Variants in FAN1 observed in about 807,000 individuals in gnomAD.
FAN1 encodes FANCD2 and FANCI associated nuclease 1, also known as fanconi-associated nuclease 1.
FAN1 carries 91 observed loss-of-function variants against 104.9 expected under a neutral mutation model. The observed-to-expected ratio is 0.87, with a 90% CI of 0.73 to 1.03. The LOEUF is 1.03. FAN1 is among the 50% of genes least tolerant of loss of function. FAN1 has a pLI of 0.00. For missense variants in FAN1, 1,263 were observed against 1,239.9 expected, an observed-to-expected ratio of 1.02 and a Z score of -0.28; for synonymous variants, 478 against 457.6, an observed-to-expected ratio of 1.04 and a Z score of -0.57.
chr15:30,924,991 C>T (rs879166131), intron 8 of FAN1, 136 bp from the exon 9 acceptor site: 2 of 852,500 alleles, frequency 2.3e-6, no homozygotes, highest in South Asian at 1.8e-5. Context: ...CAGCCTAAAT[C>T]TCTAGAAGTG....
At chr15:30,912,959 A>G (rs1034317412) in intron 4 of FAN1, among the ~76,000 whole-genome samples, 8 of 152,198 alleles carry the variant, frequency 5.3e-5, no homozygotes, top group African/African-American at 1.9e-4. Flanking sequence ...CTCCAAGCCC[A>G]CCTTGCAGAC....
intron 3 of FAN1, 73 bp downstream of exon 3, chr15:30,908,331 T>C: frequency 1.5e-6 from 2 of 1,317,366 alleles, no homozygotes; most frequent in Non-Finnish European, 2.1e-6. Context: ...ATGATGGCAG[T>C]ATTATTATGG....
chr15:30,931,921 GAAAA>G (rs34350227), intron 13 of FAN1, among the ~76,000 whole-genome samples: 1 of 147,390 alleles, frequency 6.8e-6, no homozygotes, highest in Non-Finnish European at 1.5e-5. Flanking sequence ...AAGTTTCCAA[GAAAA>G]AAAAAAGCCA....
chr15:30,933,753 C>CTTTTTTT (rs545200453), intron 13 of FAN1, among the ~76,000 whole-genome samples: 1 of 136,164 alleles, frequency 7.3e-6, no homozygotes. Flanking sequence ...TATTTCTTTT[C>CTTTTTTT]TTTTTTTTTT....
rs752980350 is a variant in FAN1, at chr15:30,925,810, T to G, written c.2359T>G (p.Cys787Gly). The change falls in exon 10 of 15, where the codon TGC becomes GGC. Residue 787 changes from cysteine (C) to glycine (G), a missense_variant. By Grantham distance (159) the Cys-to-Gly change is radical (BLOSUM62 -3). Around this residue, in one of 2 missense-constraint regions of FAN1, gnomAD observed 581 missense variants for 668.8 expected, o/e 0.87. Coordinates refer to ENST00000362065, the MANE Select transcript of FAN1 (RefSeq NM_014967.5). ...TCAGGTGACCATCACAGGCAGGCTG[T>G]GCCCACAGCGTGGGATGTGCAAGTC... ...VKHVTITGRL[C>G]PQRGMCKSVF... The G allele has an allele frequency of 6.2e-7, 1 of 1,614,158 alleles. No homozygotes were observed. Among genetic ancestry groups the G allele is most frequent in the South Asian group, 1.1e-5 (1 of 91,084 alleles).
chr15:30,929,819 T>TCA (rs1263768371), intron 12 of FAN1, among the ~76,000 whole-genome samples: 543 of 44,370 alleles, frequency 0.012, 80 homozygotes, highest in African/African-American at 0.03. Context: ...ATATAATATA[T>TCA]TATATCATAT....
intron 5 of FAN1, among the ~76,000 whole-genome samples, chr15:30,916,589 A>C (rs569494583): frequency 6.6e-6 from 1 of 152,226 alleles, no homozygotes; most frequent in Non-Finnish European, 1.5e-5. Flanking sequence ...GACTTCTGGA[A>C]AGGTAATAGT....
At position 30,942,148 on chromosome 15, in the gene FAN1, A is replaced by G. The variant is rs183643823; in HGVS notation, c.*586A>G. ...TTGAAGGATGCAATGGCAAATATAA[A>G]CTCAATACTATGAAAAATTAATGGA... is the stretch of plus-strand genomic sequence containing the variant. On this transcript the variant is annotated 3_prime_UTR_variant, in exon 15 of 15. Transcript: ENST00000362065. 12 of 1,450,380 alleles carry G rather than the reference A, an allele frequency of 8.3e-6. No homozygotes were observed. In the East Asian group the frequency reaches 2.7e-4, roughly 33 times the overall value. The allele number at this position is 1,450,380 out of a possible 1,614,324, so 89.8% of individuals were successfully genotyped here. A position where few individuals can be genotyped will look rare whatever the true frequency, so the allele number is the denominator to read the frequency against.
chr15:30,904,946 G>A lies in FAN1; in HGVS notation c.283G>A (p.Glu95Lys). The change falls in exon 2 of 15, where the codon GAA (glutamate) becomes AAA (lysine). Residue 95 changes from glutamate (E) to lysine (K), a missense_variant. This residue lies in a region of FAN1 where 682 missense variants were observed against 571.1 expected (regional missense o/e 1.19). Coordinates refer to ENST00000362065, the MANE Select transcript of FAN1 (RefSeq NM_014967.5). ...GGTAGATTTAACCAGTGTTACCTTAGAAGATGTAACACCTAAGAAGTCACC... is the reference window on the plus strand; with the variant it reads ...GGTAGATTTAACCAGTGTTACCTTAAAAGATGTAACACCTAAGAAGTCACC... ...SMVDLTSVTL[E>K]DVTPKKSPPP... is the part of the protein sequence containing the mutation. The A allele has an allele frequency of 6.2e-7, 1 of 1,613,918 alleles. No individual in the cohort carries two copies. The highest frequency in any genetic ancestry group is 8.5e-7 in the Non-Finnish European group (1 of 1,179,926).
At chr15:30,938,264 T>TTAAG (rs1374692915) in intron 14 of FAN1, among the ~76,000 whole-genome samples, 1 of 152,208 alleles carries the variant, frequency 6.6e-6, no homozygotes, top group Non-Finnish European at 1.5e-5. Context: ...GATTCTTGAA[T>TTAAG]TAAGTTTTTC....
At chr15:30,925,427 C>A in intron 9 of FAN1, 136 bp downstream of exon 9, 1 of 868,946 alleles carries the variant, frequency 1.2e-6, no homozygotes, top group Non-Finnish European at 1.7e-6. Context: ...TTTTGGACGG[C>A]TGTGTGGCCA....
At chr15:30,904,440 G>C in intron 1 of FAN1, 72 bp from the exon 2 acceptor site, 1 of 624,582 alleles carries the variant, frequency 1.6e-6, no homozygotes, top group Non-Finnish European at 2.8e-6. Context: ...GCTCTTAAAC[G>C]TTTCAGAGTT....
intron 14 of FAN1, 155 bp from the exon 15 acceptor site, chr15:30,941,411 G>GTTAA: frequency 6.4e-7 from 1 of 1,562,326 alleles, no homozygotes; most frequent in Non-Finnish European, 8.6e-7. Context: ...GGTTAGCAAT[G>GTTAA]TTAATTCAGA....
At chr15:30,914,363 T>C (rs2062159144) in intron 5 of FAN1, among the ~76,000 whole-genome samples, 1 of 152,114 alleles carries the variant, frequency 6.6e-6, no homozygotes, top group African/African-American at 2.4e-5. Flanking sequence ...GAAGGGAGTA[T>C]TTTTTGTTTG....
At chr15:30,940,064 T>C (rs2062986590) in intron 14 of FAN1, 1 of 982,212 alleles carries the variant, frequency 1.0e-6, no homozygotes. Flanking sequence ...ACACTTGTTT[T>C]AGAAAAGGAA....
chr15:30,913,933 G>A lies in FAN1; in HGVS notation c.1653G>A (p.Leu551=). The A allele has an allele frequency of 6.2e-7, 1 of 1,614,154 alleles. No individual in the cohort carries two copies. The highest frequency in any genetic ancestry group is 8.5e-7 in the Non-Finnish European group (1 of 1,180,004). Residue 551 remains leucine, a synonymous_variant, in exon 5 of 15, where the codon CTG becomes CTA. Transcript: ENST00000362065. ...CTGTGTTTTCCCGCATCTTGCTACT[G>A]TTTTCGTTGACCGACTCAATGGAAG... The part of the protein sequence containing the change: ...PRAVFSRILL[L]FSLTDSMEDE...
At chr15:30,907,646 T>C (rs1215931159) in intron 2 of FAN1, among the ~76,000 whole-genome samples, 1 of 152,188 alleles carries the variant, frequency 6.6e-6, no homozygotes, top group East Asian at 1.9e-4. Flanking sequence ...ATTTTCAAAA[T>C]ACAATTAAGC....
rs113198495 is a variant in FAN1 at position 30,909,627 on chromosome 15, A to G, written c.1376-987A>G. On this transcript the variant is annotated intron_variant, in intron 3 of 14. Coordinates refer to ENST00000362065, the MANE Select transcript of FAN1 (RefSeq NM_014967.5). ...TGGCACTCAGTCAAGTGCAAGTCCC[A>G]TCCATGCTCCAGCCCCATGGGGCCT... 4.2e-3 allele frequency among the ~76,000 whole-genome samples: 642 copies of G among 152,344 alleles called. 1 individual carries two copies. Among genetic ancestry groups the G allele is most frequent in the African/African-American group, 0.014 (590 of 41,580 alleles).
Position 30,942,892 on chromosome 15 carries a change from T to C in FAN1, c.*1330T>C. Reference sequence around the variant, plus strand: ...ACGTTTTGTTAGCTGTGATTTACCTTTGTCCGTTTAAAAGACTTCACGGAG... The same window carrying C: ...ACGTTTTGTTAGCTGTGATTTACCTCTGTCCGTTTAAAAGACTTCACGGAG... On this transcript the variant is annotated 3_prime_UTR_variant, in exon 15 of 15. Transcript: ENST00000362065. 1 of 1,560,416 alleles carries C rather than the reference T, an allele frequency of 6.4e-7. No individual in the cohort carries two copies. Among genetic ancestry groups the C allele is most frequent in the Non-Finnish European group, 8.7e-7 (1 of 1,151,130 alleles).
Sources: allele counts gnomAD v4.1 joint callset (sites outside exome capture counted in the v4.1 genomes callset), GRCh38; gene constraint gnomAD v4.1.1; regional missense constraint gnomAD v4.1.1; transcripts MANE v1.5; gene names NCBI Gene and HGNC (gene_info 2026-07-23, HGNC 2026-07-21).